PAPSS2: variants seen among roughly 807,000 people sequenced by gnomAD.
PAPSS2 encodes 3'-phosphoadenosine 5'-phosphosulfate synthase 2.
A neutral mutation model predicts 66.5 loss-of-function variants in PAPSS2; 61 were observed. The ratio of observed to expected loss-of-function variants is 0.92; its 90% confidence interval spans 0.75 to 1.14. The LOEUF (loss-of-function observed/expected upper bound fraction) is 1.14, where lower values mean the gene tolerates loss of function less well. Ranked by LOEUF, PAPSS2 falls within the 50% of genes most tolerant of loss-of-function variation. The pLI, the probability that PAPSS2 is intolerant of heterozygous loss-of-function variation, is 0.00. For missense variants in PAPSS2, 708 were observed against 789.6 expected, an observed-to-expected ratio of 0.90 and a Z score of 1.24; for synonymous variants, 289 against 287.5, an observed-to-expected ratio of 1.01 and a Z score of -0.05.
Position 87,743,658 on chromosome 10 carries a change from G to A in PAPSS2, c.1491+17G>A. On this transcript the variant is annotated intron_variant, in intron 11 of 12. Transcript: ENST00000456849. ...CCCACAGAGGTGAGCAATTCCCAGA[G>A]CTGGGCTTTGAGACTCAGGAATTCA... The A allele has an allele frequency of 6.2e-7, 1 of 1,614,128 alleles. No homozygotes were observed. The highest frequency in any genetic ancestry group is 8.5e-7 in the Non-Finnish European group (1 of 1,179,982).
At chr10:87,707,498 G>T (rs1853405628) in intron 1 of PAPSS2, among the ~76,000 whole-genome samples, 2 of 148,272 alleles carry the variant, frequency 1.3e-5, no homozygotes, top group Non-Finnish European at 3.0e-5. Context: ...GCCCTCTTTA[G>T]TTTCTATTTT....
At chr10:87,687,784 A>G (rs945309349) in intron 1 of PAPSS2, among the ~76,000 whole-genome samples, 1 of 152,180 alleles carries the variant, frequency 6.6e-6, no homozygotes, top group African/African-American at 2.4e-5. Flanking sequence ...CTTGTACTTC[A>G]TATATATGTA....
rs71019493 is a variant in PAPSS2, at chr10:87,676,872, C to CAAAAAAAAAA, written c.27+16894_27+16903dup. On this transcript the variant is annotated intron_variant, in intron 1 of 12. Coordinates refer to ENST00000456849, the MANE Select transcript of PAPSS2 (RefSeq NM_001015880.2). ...TGGATGACAGAATGAGACCCTGTCT[C>CAAAAAAAAAA]AAAAAAAAAAAAAAAAAAAAAAAAA... 2.9e-4 allele frequency among the ~76,000 whole-genome samples: 9 copies of CAAAAAAAAAA among 31,368 alleles called. 3 individuals carry two copies. Among genetic ancestry groups the CAAAAAAAAAA allele is most frequent in the African/African-American group, 4.4e-4 (4 of 9,188 alleles). 20.6% of individuals were successfully genotyped at this position (31,368 alleles called of 152,430 possible). A position where few individuals can be genotyped will look rare whatever the true frequency, so the allele number is the denominator to read the frequency against.
At chr10:87,727,958 C>T (rs917290458) in intron 9 of PAPSS2, among the ~76,000 whole-genome samples, 1 of 152,152 alleles carries the variant, frequency 6.6e-6, no homozygotes, top group African/African-American at 2.4e-5. Context: ...GTCAATGATA[C>T]TCTCTTAGTA....
chr10:87,698,339 A>G (rs1431195297), intron 1 of PAPSS2, among the ~76,000 whole-genome samples: 1 of 152,174 alleles, frequency 6.6e-6, no homozygotes, highest in Non-Finnish European at 1.5e-5. Flanking sequence ...AAATTCTACT[A>G]TAGCTTTTTT....
At chr10:87,690,894 A>C (rs1412363217) in intron 1 of PAPSS2, among the ~76,000 whole-genome samples, 2 of 152,200 alleles carry the variant, frequency 1.3e-5, no homozygotes, top group African/African-American at 4.8e-5. Context: ...GGCATACAGC[A>C]GTTGGCCACT....
intron 1 of PAPSS2, among the ~76,000 whole-genome samples, chr10:87,673,514 A>T (rs1375418129): frequency 6.6e-6 from 1 of 151,692 alleles, no homozygotes; most frequent in Admixed American, 6.6e-5. Context: ...ATTTCTGTCT[A>T]GTTTTACTAC....
chr10:87,697,478 C>T (rs55720312), intron 1 of PAPSS2, among the ~76,000 whole-genome samples: 27,214 of 152,144 alleles, frequency 0.18, 2,744 homozygotes, highest in East Asian at 0.36. Context: ...GGAGAGGTGG[C>T]TCACCTGTGC....
At chr10:87,722,888 C>T (rs958462305) in intron 8 of PAPSS2, among the ~76,000 whole-genome samples, 1 of 152,194 alleles carries the variant, frequency 6.6e-6, no homozygotes, top group Non-Finnish European at 1.5e-5. Flanking sequence ...TCTATAACAT[C>T]CCACAGATTC....
chr10:87,673,711 T>A (rs1183337917), intron 1 of PAPSS2, among the ~76,000 whole-genome samples: 1 of 144,556 alleles, frequency 6.9e-6, no homozygotes, highest in Non-Finnish European at 1.5e-5. Flanking sequence ...TTTTTTTTTT[T>A]TTTGCACCAG....
chr10:87,731,803 A>C (rs1853733184), intron 9 of PAPSS2, among the ~76,000 whole-genome samples: 1 of 152,230 alleles, frequency 6.6e-6, no homozygotes, highest in Non-Finnish European at 1.5e-5. Flanking sequence ...CAATCTCATG[A>C]TAGAATTTGA....
intron 1 of PAPSS2, among the ~76,000 whole-genome samples, chr10:87,685,840 G>C (rs1474169026): frequency 6.6e-6 from 1 of 152,146 alleles, no homozygotes; most frequent in African/African-American, 2.4e-5. Flanking sequence ...CTCCTTGGCT[G>C]GAAATAGGAG....
chr10:87,678,647 G>A (rs1429996539), intron 1 of PAPSS2, among the ~76,000 whole-genome samples: 1 of 151,910 alleles, frequency 6.6e-6, no homozygotes, highest in Non-Finnish European at 1.5e-5. Context: ...ATTCTCAAAA[G>A]AAGACATGTA....
chr10:87,697,704 A>G (rs1281144111), intron 1 of PAPSS2, among the ~76,000 whole-genome samples: 1 of 152,234 alleles, frequency 6.6e-6, no homozygotes, highest in Non-Finnish European at 1.5e-5. Context: ...ATGCAGCCAA[A>G]GCTCTCCTGT....
chr10:87,713,047 G>T, intron 2 of PAPSS2, 28 bp from the exon 3 acceptor site: 2 of 1,258,272 alleles, frequency 1.6e-6, no homozygotes, highest in Non-Finnish European at 2.3e-6. Context: ...CCAGGCCGAT[G>T]TCAGTCTGTT....
chr10:87,696,670 C>A (rs1016997662), intron 1 of PAPSS2, among the ~76,000 whole-genome samples: 1 of 152,000 alleles, frequency 6.6e-6, no homozygotes, highest in Non-Finnish European at 1.5e-5. Flanking sequence ...GCAATTTTAA[C>A]CCTTAAATTA....
At chr10:87,703,702 C>G in intron 1 of PAPSS2, 1 of 517,892 alleles carries the variant, frequency 1.9e-6, no homozygotes, top group East Asian at 5.5e-5. Context: ...ACTCCAAAAT[C>G]GATACTCATG....
intron 3 of PAPSS2, among the ~76,000 whole-genome samples, 175 bp downstream of exon 3, chr10:87,713,485 T>C (rs1853492810): frequency 6.6e-6 from 1 of 152,086 alleles, no homozygotes; most frequent in Admixed American, 6.6e-5. Context: ...TATTTAATAT[T>C]GGTTATATAA....
chr10:87,674,873 G>A (rs1355976980), intron 1 of PAPSS2, among the ~76,000 whole-genome samples: 1 of 152,068 alleles, frequency 6.6e-6, no homozygotes, highest in Non-Finnish European at 1.5e-5. Context: ...TTTCTGAGAG[G>A]GGATCCATAG....
Sources: allele counts gnomAD v4.1 joint callset (sites outside exome capture counted in the v4.1 genomes callset), GRCh38; gene constraint gnomAD v4.1.1; transcripts MANE v1.5; gene names NCBI Gene and HGNC (gene_info 2026-07-23, HGNC 2026-07-21).